The following RGL1 variants were observed in gnomAD, a reference collection of about 807,000 sequenced individuals.
RGL1 encodes the protein ral guanine nucleotide dissociation stimulator-like 1.
A neutral mutation model predicts 95.2 loss-of-function variants in RGL1; 24 were observed. The observed-to-expected ratio is 0.25, with a 90% CI of 0.18 to 0.35. The LOEUF is 0.35. Ranked by LOEUF, RGL1 falls within the 10% of genes least tolerant of loss-of-function variation. The pLI, the probability that RGL1 is intolerant of heterozygous loss-of-function variation, is 1.00. For synonymous variants in RGL1, 329 were observed against 344.9 expected, an observed-to-expected ratio of 0.95 and a Z score of 0.51; for missense variants, 715 against 936.3, an observed-to-expected ratio of 0.76 and a Z score of 3.08.
At chr1:183,706,343 A>T (rs1268068628) in intron 1 of RGL1, among the ~76,000 whole-genome samples, 3 of 152,164 alleles carry the variant, frequency 2.0e-5, no homozygotes, top group Non-Finnish European at 2.9e-5. Context: ...AAAATTAGGT[A>T]AAGCAGAGTA....
intron 1 of RGL1, among the ~76,000 whole-genome samples, chr1:183,661,138 A>G (rs1651590789): frequency 6.6e-6 from 1 of 152,218 alleles, no homozygotes; most frequent in Non-Finnish European, 1.5e-5. Context: ...TAACATCACA[A>G]TTAAAAGAAC....
At chr1:183,833,452 G>C (rs1663399937) in intron 2 of RGL1, among the ~76,000 whole-genome samples, 1 of 152,098 alleles carries the variant, frequency 6.6e-6, no homozygotes, top group Admixed American at 6.6e-5. Context: ...CCTTGTTCTG[G>C]GTCTACTGAT....
chr1:183,924,552 A>G (rs1318400734), intron 17 of RGL1, among the ~76,000 whole-genome samples: 2 of 152,276 alleles, frequency 1.3e-5, no homozygotes, highest in East Asian at 3.9e-4. Context: ...GCAGCAAGCC[A>G]CCGTGGCACA....
chr1:183,886,420 TG>T (rs1371772159), intron 7 of RGL1, among the ~76,000 whole-genome samples: 3 of 152,120 alleles, frequency 2.0e-5, no homozygotes, highest in Non-Finnish European at 2.9e-5. Context: ...TTGCCATAAG[TG>T]TCACAGCATG....
intron 2 of RGL1, among the ~76,000 whole-genome samples, chr1:183,831,599 A>G (rs1033044358): frequency 6.6e-6 from 1 of 152,230 alleles, no homozygotes; most frequent in Non-Finnish European, 1.5e-5. Context: ...CAAGCATTAC[A>G]TGCTTTTATT....
At chr1:183,894,341 GAAGT>G (rs796117046) in intron 9 of RGL1, among the ~76,000 whole-genome samples, 4 of 152,322 alleles carry the variant, frequency 2.6e-5, no homozygotes, top group African/African-American at 9.6e-5. Context: ...CTTAAATGCA[GAAGT>G]TACCCCCCGT....
At chr1:183,781,760 G>A (rs1659918085) in intron 2 of RGL1, among the ~76,000 whole-genome samples, 2 of 152,136 alleles carry the variant, frequency 1.3e-5, no homozygotes. Context: ...GGCACACACA[G>A]ATCCATCTCA....
At chr1:183,767,078 G>A (rs1659008933) in intron 2 of RGL1, among the ~76,000 whole-genome samples, 1 of 151,996 alleles carries the variant, frequency 6.6e-6, no homozygotes, top group South Asian at 2.1e-4. Flanking sequence ...AAATTAGCCA[G>A]ATGTGGTAGC....
chr1:183,766,658 T>A (rs1658982927), intron 2 of RGL1, among the ~76,000 whole-genome samples: 1 of 152,202 alleles, frequency 6.6e-6, no homozygotes, highest in East Asian at 1.9e-4. Flanking sequence ...TAAAAGTAAG[T>A]CTTTTAATTT....
intron 16 of RGL1, among the ~76,000 whole-genome samples, chr1:183,919,057 T>C (rs558977359): frequency 3.9e-5 from 6 of 152,378 alleles, no homozygotes; most frequent in African/African-American, 1.4e-4. Context: ...CTCCAGACTA[T>C]GTGGGTTGTA....
At chr1:183,826,404 G>T (rs944170119) in intron 2 of RGL1, among the ~76,000 whole-genome samples, 1 of 152,030 alleles carries the variant, frequency 6.6e-6, no homozygotes, top group African/African-American at 2.4e-5. Context: ...TTGTTTCATT[G>T]TTATTGATTG....
rs143771901 is a variant in RGL1, at chr1:183,809,131, C to T, written c.138+2646C>T. ...AGGGTGCATTGAAGATATGAAGATA[C>T]GTATGAGGTTATGTAGCATGTGAGG... is the stretch of plus-strand genomic sequence containing the variant. On this transcript the variant is annotated intron_variant, in intron 2 of 17. Coordinates refer to ENST00000360851, the MANE Select transcript of RGL1 (RefSeq NM_001297671.3). Among the ~76,000 whole-genome samples, 5 of 152,296 alleles carry T rather than the reference C, an allele frequency of 3.3e-5. No homozygotes were observed. In the South Asian group the frequency reaches 8.3e-4, roughly 25 times the overall value.
chr1:183,643,732 T>C (rs1044419811), intron 1 of RGL1, among the ~76,000 whole-genome samples: 10 of 152,214 alleles, frequency 6.6e-5, no homozygotes, highest in Non-Finnish European at 1.2e-4. Flanking sequence ...ATTACAGGCA[T>C]GAACCACCGT....
intron 1 of RGL1, among the ~76,000 whole-genome samples, chr1:183,669,679 A>C (rs1652306196): frequency 6.6e-6 from 1 of 152,188 alleles, no homozygotes; most frequent in African/African-American, 2.4e-5. Flanking sequence ...GAAGTGTATT[A>C]GTTCATTTTC....
chr1:183,771,640 G>T (rs1247401686), intron 2 of RGL1, among the ~76,000 whole-genome samples: 1 of 152,228 alleles, frequency 6.6e-6, no homozygotes, highest in East Asian at 1.9e-4. Flanking sequence ...TGAGTGCTGG[G>T]AAGGGAAGAG....
At chr1:183,710,417 A>G (rs1325610946) in intron 1 of RGL1, among the ~76,000 whole-genome samples, 2 of 152,132 alleles carry the variant, frequency 1.3e-5, no homozygotes. Context: ...GAAGGTTATC[A>G]TACTTGAACT....
chr1:183,761,124 G>A (rs543964749), intron 2 of RGL1, among the ~76,000 whole-genome samples: 3 of 152,244 alleles, frequency 2.0e-5, no homozygotes, highest in South Asian at 2.1e-4. Context: ...TTGATATTTT[G>A]ACCTTCTCTC....
At chr1:183,913,816 T>C (rs1187056560) in intron 15 of RGL1, among the ~76,000 whole-genome samples, 1 of 152,226 alleles carries the variant, frequency 6.6e-6, no homozygotes, top group Admixed American at 6.5e-5. Context: ...AAGCATCATA[T>C]TCAGGATTCA....
chr1:183,665,671 A>G (rs1009087107), intron 1 of RGL1, among the ~76,000 whole-genome samples: 2 of 152,134 alleles, frequency 1.3e-5, no homozygotes, highest in Non-Finnish European at 1.5e-5. Context: ...GTGAGCATAG[A>G]TTGTTCATCA....
Sources: allele counts gnomAD v4.1 joint callset (sites outside exome capture counted in the v4.1 genomes callset), GRCh38; gene constraint gnomAD v4.1.1; transcripts MANE v1.5; gene names NCBI Gene and HGNC (gene_info 2026-07-23, HGNC 2026-07-21).